Variants in OR4D2 observed in about 807,000 individuals in gnomAD.
OR4D2 encodes the protein olfactory receptor 4D2.
A neutral mutation model predicts 12.4 loss-of-function variants in OR4D2; 9 were observed. That is an observed-to-expected ratio of 0.73 (90% confidence interval 0.44 to 1.27). The LOEUF is 1.27. OR4D2 is among the 50% of genes most tolerant of loss of function. OR4D2 has a pLI of 0.00. For missense variants in OR4D2, 373 were observed against 381.6 expected, an observed-to-expected ratio of 0.98 and a Z score of 0.19; for synonymous variants, 151 against 151.1, an observed-to-expected ratio of 1.00 and a Z score of 0.01.
rs1967957100 is a variant in OR4D2, at chr17:58,170,794, G to A, written c.*215G>A. The stretch of plus-strand genomic sequence containing the variant: ...AGAGTTTTAACACACTCGCAACAAT[G>A]AGAATTGTTCACATGGCCCCTGAAA... On this transcript the variant is annotated 3_prime_UTR_variant, in exon 2 of 2. Transcript: ENST00000545221. The A allele has an allele frequency of 7.0e-6, 4 of 569,186 alleles. No homozygotes were observed. The African/African-American group carries it at 7.5e-5, about 11-fold the overall frequency. The allele number at this position is 569,186 out of a possible 1,614,324, so 35.3% of individuals were successfully genotyped here.
intron 1 of OR4D2, among the ~76,000 whole-genome samples, chr17:58,168,480 C>A (rs1420523943): frequency 6.6e-6 from 1 of 152,130 alleles, no homozygotes; most frequent in Admixed American, 6.5e-5. Flanking sequence ...ATTTCTGGGA[C>A]TACAGGCGTG....
chr17:58,170,333 G>T lies in OR4D2; in HGVS notation c.678G>T (p.Arg226Ser). Residue 226 changes from arginine (R) to serine (S), a missense_variant, in exon 2 of 2, where the codon AGG becomes AGT. Arg to Ser is a moderately radical substitution (Grantham distance 110). Transcript: ENST00000545221. The part of the protein sequence containing the change: ...MSYLFILVML[R>S]SHPGEARRKA... The stretch of plus-strand genomic sequence containing the variant: ...ACTTATTCATCCTGGTGATGCTGAG[G>T]TCACATCCAGGGGAGGCAAGAAGGA... 1.2e-6 allele frequency: 2 copies of T among 1,614,150 alleles called. No individual in the cohort carries two copies. Among genetic ancestry groups the T allele is most frequent in the East Asian group, 2.2e-5 (1 of 44,882 alleles).
chr17:58,170,204 AGT>A lies in OR4D2; in HGVS notation c.550_551del (p.Val184ThrfsTer7), dbSNP rs1285309968. 3.7e-6 allele frequency: 6 copies of A among 1,614,050 alleles called. No individual in the cohort carries two copies. The highest frequency in any genetic ancestry group is 3.4e-6 in the Non-Finnish European group (4 of 1,180,040). On this transcript the variant is annotated frameshift_variant, in exon 2 of 2. Coordinates refer to ENST00000545221, the MANE Select transcript of OR4D2 (RefSeq NM_001004707.4). LOFTEE classifies it high-confidence loss of function. Reference sequence around the variant, plus strand: ...ATAACTTCTACTGTGATGTTCCCCAAGTACTGAGACTTGCCTGCACTGACACC... The same window carrying A: ...ATAACTTCTACTGTGATGTTCCCCAAACTGAGACTTGCCTGCACTGACACC... ...LDNFYCDVPQVLRLACTDTSL... is the reference protein window; with the variant it reads ...LDNFYCDVPQXLRLACTDTSL...
At position 58,170,723 on chromosome 17, in the gene OR4D2, T is replaced by C; in HGVS notation, c.*144T>C. ...TTTGAAACTAAGCAACTTCGTGTTT[T>C]AGGAAAAAAGAAAGTATCCTCTTTG... On this transcript the variant is annotated 3_prime_UTR_variant, in exon 2 of 2. Transcript: ENST00000545221. 1 of 676,232 alleles carries C rather than the reference T, an allele frequency of 1.5e-6. No individual in the cohort carries two copies. Among genetic ancestry groups the C allele is most frequent in the Non-Finnish European group, 2.6e-6 (1 of 386,176 alleles). 41.9% of individuals were successfully genotyped at this position (676,232 alleles called of 1,614,324 possible). A position where few individuals can be genotyped will look rare whatever the true frequency, so the allele number is the denominator to read the frequency against.
Position 58,170,224 on chromosome 17 carries a change from C to T in OR4D2, c.569C>T (p.Thr190Ile). 1.2e-6 allele frequency: 2 copies of T among 1,614,004 alleles called. No individual in the cohort carries two copies. Among genetic ancestry groups the T allele is most frequent in the Non-Finnish European group, 8.5e-7 (1 of 1,179,848 alleles). The change falls in exon 2 of 2, where the codon ACT becomes ATT. Residue 190 changes from threonine to isoleucine, a missense_variant. By Grantham distance (89) the Thr-to-Ile change is moderately conservative (BLOSUM62 -1). Transcript: ENST00000545221. ...CCCCAAGTACTGAGACTTGCCTGCA[C>T]TGACACCTCACTGCTGGAGTTCCTC... is the stretch of plus-strand genomic sequence containing the variant. The part of the protein sequence containing the change: ...DVPQVLRLAC[T>I]DTSLLEFLKI...
chr17:58,170,429 T>A lies in OR4D2; in HGVS notation c.774T>A (p.Tyr258Ter). The A allele has an allele frequency of 1.2e-6, 2 of 1,614,214 alleles. No individual in the cohort carries two copies. Among genetic ancestry groups the A allele is most frequent in the South Asian group, 1.1e-5 (1 of 91,088 alleles). ...SMIFVPSIYL[Y>*]ARPFTPFPMD... ...TCTTCGTTCCAAGCATTTACCTCTA[T>A]GCCCGGCCCTTCACTCCATTCCCTA... Residue 258 changes from tyrosine (Y) to a stop codon, truncating the protein, a stop_gained, in exon 2 of 2, where the codon TAT (tyrosine) becomes TAA (stop). Transcript: ENST00000545221. LOFTEE classifies it high-confidence loss of function.
intron 1 of OR4D2, among the ~76,000 whole-genome samples, chr17:58,168,378 G>C (rs1967916249): frequency 6.6e-6 from 1 of 151,812 alleles, no homozygotes; most frequent in South Asian, 2.1e-4. Flanking sequence ...TAATTTTTTT[G>C]TATTTTTAGT....
intron 1 of OR4D2, among the ~76,000 whole-genome samples, chr17:58,168,035 G>A (rs1555591145): frequency 6.8e-6 from 1 of 147,784 alleles, no homozygotes; most frequent in Non-Finnish European, 1.5e-5. Flanking sequence ...AGGTGTCCTG[G>A]AGTGGAAGTA....
chr17:58,168,189 ATCT>A (rs993472660), intron 1 of OR4D2, among the ~76,000 whole-genome samples: 8 of 148,698 alleles, frequency 5.4e-5, no homozygotes, highest in Admixed American at 2.0e-4. Context: ...GTCACCCTCC[ATCT>A]TCTTCTTCTT....
intron 1 of OR4D2, among the ~76,000 whole-genome samples, chr17:58,168,444 G>C (rs1421647066): frequency 6.6e-6 from 1 of 152,116 alleles, no homozygotes; most frequent in Non-Finnish European, 1.5e-5. Flanking sequence ...CTGACTTCAA[G>C]TGATCCATCC....
chr17:58,168,707 C>T (rs902092766), intron 1 of OR4D2, among the ~76,000 whole-genome samples: 12 of 152,226 alleles, frequency 7.9e-5, no homozygotes, highest in African/African-American at 2.9e-4. Flanking sequence ...CATTCAGAAG[C>T]TCTCTGAGTC....
chr17:58,168,076 C>T (rs1967912125), intron 1 of OR4D2, among the ~76,000 whole-genome samples: 1 of 147,308 alleles, frequency 6.8e-6, no homozygotes, highest in African/African-American at 2.6e-5. Flanking sequence ...ATTAGAATGA[C>T]CTATAATATT....
Position 58,169,835 on chromosome 17 carries a change from C to CT in OR4D2, c.183dup (p.Leu62SerfsTer27). 6.2e-7 allele frequency: 1 copy of CT among 1,614,194 alleles called. No homozygotes were observed. Among genetic ancestry groups the CT allele is most frequent in the Non-Finnish European group, 8.5e-7 (1 of 1,180,026 alleles). On this transcript the variant is annotated frameshift_variant, in exon 2 of 2. Transcript: ENST00000545221. LOFTEE classifies it high-confidence loss of function. ...ATTCCCAGCTCCACACACCCATGTA[C>CT]TTTCTGCTCCGAAACCTGGCTGTCC... is the stretch of plus-strand genomic sequence containing the variant.
At position 58,169,892 on chromosome 17, in the gene OR4D2, C is replaced by A. The variant is rs1370422439; in HGVS notation, c.237C>A (p.Pro79=). The A allele has an allele frequency of 6.2e-7, 1 of 1,614,024 alleles. No individual in the cohort carries two copies. Among genetic ancestry groups the A allele is most frequent in the Non-Finnish European group, 8.5e-7 (1 of 1,180,020 alleles). Residue 79 remains proline, a synonymous_variant, in exon 2 of 2, where the codon CCC becomes CCA. Transcript: ENST00000545221. ...TCTGTTTCTCTTCAGTCACTGCTCC[C>A]AAAATGCTAGTGGACCTCCTCTCTG... ...LDLCFSSVTA[P]KMLVDLLSEK...
At chr17:58,168,205 T>C (rs79823393) in intron 1 of OR4D2, among the ~76,000 whole-genome samples, 29,367 of 150,662 alleles carry the variant, frequency 0.19, 3,463 homozygotes, top group African/African-American at 0.33. Context: ...TTCTTCTTTT[T>C]TTTTTGTTTT....
Position 58,169,424 on chromosome 17 carries a change from AG to A in OR4D2, c.-18-212del. On this transcript the variant is annotated intron_variant, in intron 1 of 1. Coordinates refer to ENST00000545221, the MANE Select transcript of OR4D2 (RefSeq NM_001004707.4). ...ACCACTATATGAATCTTTGAAAGGC[AG>A]GTTGTATATACTTCTGGATGGCGTT... 16 of 568,764 alleles carry A rather than the reference AG, an allele frequency of 2.8e-5. No homozygotes were observed. In the South Asian group the frequency reaches 3.4e-4, roughly 12 times the overall value. 35.2% of individuals were successfully genotyped at this position (568,764 alleles called of 1,614,324 possible). A position where few individuals can be genotyped will look rare whatever the true frequency, so the allele number is the denominator to read the frequency against.
Position 58,170,932 on chromosome 17 carries a change from G to T in OR4D2, c.*353G>T. ...AGCTCTCTTCCCAATATTTCCTTTT[G>T]GTGTGAGTCTGGGTTGTTGGGAACA... On this transcript the variant is annotated 3_prime_UTR_variant, in exon 2 of 2. Transcript: ENST00000545221. 1 of 322,268 alleles carries T rather than the reference G, an allele frequency of 3.1e-6. No homozygotes were observed. The allele number at this position is 322,268 out of a possible 1,614,324, so 20.0% of individuals were successfully genotyped here.
At position 58,170,390 on chromosome 17, in the gene OR4D2, C is replaced by T. The variant is rs779860403; in HGVS notation, c.735C>T (p.Ile245=). 9.3e-6 allele frequency: 15 copies of T among 1,614,246 alleles called. No homozygotes were observed. The highest frequency in any genetic ancestry group is 5.0e-5 in the Admixed American group (3 of 60,034). The part of the protein sequence containing the change: ...KAASTCTTHI[I]VVSMIFVPSI... The stretch of plus-strand genomic sequence containing the variant: ...CTTCCACCTGCACCACCCACATCAT[C>T]GTGGTTTCCATGATCTTCGTTCCAA... Residue 245 remains isoleucine, a synonymous_variant, in exon 2 of 2, where the codon ATC becomes ATT. Coordinates refer to ENST00000545221, the MANE Select transcript of OR4D2 (RefSeq NM_001004707.4).
rs1967934151 is a variant in OR4D2 at position 58,169,693 on chromosome 17, T to C, written c.38T>C (p.Val13Ala). Residue 13 changes from valine (V) to alanine (A), a missense_variant, in exon 2 of 2, where the codon GTC (valine) becomes GCC (alanine). Val to Ala is a moderately conservative substitution (Grantham distance 64). Transcript: ENST00000545221. ...TGNLTWVSDF[V>A]FLGLSQTREL... is the part of the protein sequence containing the mutation. ...AACCTCACGTGGGTATCAGACTTTG[T>C]CTTCCTGGGGCTCTCGCAGACTCGG... 1 of 1,614,176 alleles carries C rather than the reference T, an allele frequency of 6.2e-7. No homozygotes were observed.
Sources: gnomAD v4.1 joint callset for allele counts (sites outside exome capture counted in the v4.1 genomes callset) on GRCh38, gnomAD v4.1.1 for gene constraint, MANE v1.5 for transcripts, NCBI Gene and HGNC (gene_info 2026-07-23, HGNC 2026-07-21) for gene names.